The following FSTL5 variants were observed in gnomAD, a reference collection of about 807,000 sequenced individuals.
FSTL5 encodes follistatin-related protein 5.
Under a neutral mutation model 89.1 loss-of-function variants are expected in FSTL5, and 62 were observed. That is an observed-to-expected ratio of 0.70 (90% CI 0.57 to 0.86). The LOEUF (loss-of-function observed/expected upper bound fraction) is 0.86, where lower values mean the gene tolerates loss of function less well. FSTL5 is among the 40% of genes least tolerant of loss of function. The probability of loss-of-function intolerance (pLI) is 0.00; values close to 1 mark genes in which losing one functional copy is unlikely to be tolerated. For synonymous variants in FSTL5, 383 were observed against 346.2 expected (o/e 1.11, Z -1.18); for missense variants, 1,057 against 1,001.6 (o/e 1.06, Z -0.75).
rs185353678 is a variant in FSTL5 at position 161,762,428 on chromosome 4, A to G, written c.607-2897T>C. On this transcript the variant is annotated intron_variant, in intron 5 of 15. Transcript: ENST00000306100. ...GCACTTCTTTCATTTAGTGTTTGAC[A>G]CTGGTTCCAAAAACTCACTGTAGAC... is the stretch of plus-strand genomic sequence containing the variant. 2.3e-3 allele frequency among the ~76,000 whole-genome samples: 345 copies of G among 152,286 alleles called. 1 individual carries two copies. Among genetic ancestry groups the G allele is most frequent in the Admixed American group, 4.6e-3 (70 of 15,288 alleles).
chr4:161,680,017 G>A (rs926907748), intron 6 of FSTL5, among the ~76,000 whole-genome samples: 6 of 151,578 alleles, frequency 4.0e-5, no homozygotes, highest in Non-Finnish European at 7.4e-5. Context: ...ATTCTTAATT[G>A]TATTCTTCCA....
In FSTL5 at chr4:161,887,890, C is replaced by A. The variant is rs74773559; in HGVS notation, c.409+32514G>T. On this transcript the variant is annotated intron_variant, in intron 4 of 15. Transcript: ENST00000306100. ...CTAAAAAGAATAACACCTTGCCAAG[C>A]AAATCAGGATTCATCTAGTCCCCAT... Among the ~76,000 whole-genome samples, 1,330 of 152,248 alleles carry A rather than the reference C, an allele frequency of 8.7e-3. 12 individuals are homozygous for A. The highest frequency in any genetic ancestry group is 0.015 in the Non-Finnish European group (1,046 of 67,998).
intron 6 of FSTL5, among the ~76,000 whole-genome samples, chr4:161,661,419 C>A (rs555808572): frequency 6.6e-6 from 1 of 152,084 alleles, no homozygotes; most frequent in African/African-American, 2.4e-5. Context: ...TTACCTCTCT[C>A]TACTTCAGTA....
intron 8 of FSTL5, among the ~76,000 whole-genome samples, chr4:161,546,232 AGAGT>A (rs1732000298): frequency 6.7e-6 from 1 of 150,192 alleles, no homozygotes; most frequent in Non-Finnish European, 1.5e-5. Flanking sequence ...TACAGATGAG[AGAGT>A]AAGTGAATAT....
At chr4:161,835,381 A>C (rs1400975666) in intron 4 of FSTL5, among the ~76,000 whole-genome samples, 1 of 152,182 alleles carries the variant, frequency 6.6e-6, no homozygotes, top group Non-Finnish European at 1.5e-5. Context: ...ACAATTCAGG[A>C]CATAGGCATA....
chr4:162,064,296 G>T (rs1370984435), intron 2 of FSTL5, among the ~76,000 whole-genome samples: 1 of 151,962 alleles, frequency 6.6e-6, no homozygotes, highest in Non-Finnish European at 1.5e-5. Context: ...TACTAGAAGG[G>T]ATGTGAAATG....
At chr4:162,122,031 T>C (rs1478600071) in intron 1 of FSTL5, among the ~76,000 whole-genome samples, 1 of 152,048 alleles carries the variant, frequency 6.6e-6, no homozygotes, top group East Asian at 1.9e-4. Context: ...ATTGACTGTT[T>C]ATGTTATAGG....
chr4:161,721,284 C>CAA (rs34307838), intron 6 of FSTL5, among the ~76,000 whole-genome samples: 1,600 of 64,868 alleles, frequency 0.025, 57 homozygotes, highest in Middle Eastern at 0.053. Context: ...GACTCCGTCT[C>CAA]AAAAAAAAAA....
chr4:162,103,198 G>A (rs1045377881), intron 2 of FSTL5, among the ~76,000 whole-genome samples: 4 of 152,170 alleles, frequency 2.6e-5, no homozygotes, highest in Non-Finnish European at 5.9e-5. Flanking sequence ...ATTCAGTCCA[G>A]TGAATGCCAG....
chr4:161,860,518 C>G (rs537170156), intron 4 of FSTL5, among the ~76,000 whole-genome samples: 1 of 152,100 alleles, frequency 6.6e-6, no homozygotes, highest in Non-Finnish European at 1.5e-5. Context: ...AAATTTCCAG[C>G]GGCTTAAAAC....
chr4:161,820,263 A>G (rs1043151676), intron 4 of FSTL5, among the ~76,000 whole-genome samples: 1 of 152,176 alleles, frequency 6.6e-6, no homozygotes, highest in South Asian at 2.1e-4. Flanking sequence ...TTTTCCACTT[A>G]TATTCAAGTT....
At chr4:161,480,395 G>A (rs1729456307) in intron 13 of FSTL5, among the ~76,000 whole-genome samples, 1 of 152,158 alleles carries the variant, frequency 6.6e-6, no homozygotes, top group African/African-American at 2.4e-5. Context: ...CACCAACCCT[G>A]TACTTCACCT....
chr4:161,584,810 C>A (rs1255069300), intron 8 of FSTL5, among the ~76,000 whole-genome samples: 1 of 152,044 alleles, frequency 6.6e-6, no homozygotes, highest in African/African-American at 2.4e-5. Flanking sequence ...CTCTCCAAAC[C>A]CCATCCCTTC....
At chr4:161,823,158 C>T (rs1344952054) in intron 4 of FSTL5, among the ~76,000 whole-genome samples, 2 of 152,170 alleles carry the variant, frequency 1.3e-5, no homozygotes, top group Non-Finnish European at 2.9e-5. Context: ...TACCTTGGAT[C>T]ACTGACTCCA....
chr4:161,648,382 C>A (rs188714396), intron 7 of FSTL5, among the ~76,000 whole-genome samples: 165 of 152,220 alleles, frequency 1.1e-3, no homozygotes, highest in African/African-American at 3.8e-3. Flanking sequence ...GTTTGAGCAG[C>A]GGGGCATGAA....
At position 162,062,477 on chromosome 4, in the gene FSTL5, C is replaced by A. The variant is rs530940395; in HGVS notation, c.127-28819G>T. Among the ~76,000 whole-genome samples, 5 of 151,868 alleles carry A rather than the reference C, an allele frequency of 3.3e-5. No homozygotes were observed. In the South Asian group the frequency reaches 1.0e-3, roughly 32 times the overall value. On this transcript the variant is annotated intron_variant, in intron 2 of 15. Transcript: ENST00000306100. The stretch of plus-strand genomic sequence containing the variant: ...ATCCAGTACAGTACCGGCCTTCCTG[C>A]CTTAGAAAAGGTAACAAATGAACCC...
intron 8 of FSTL5, among the ~76,000 whole-genome samples, chr4:161,586,160 A>G: frequency 6.6e-6 from 1 of 152,160 alleles, no homozygotes; most frequent in Non-Finnish European, 1.5e-5. Context: ...CCTCAGATCC[A>G]AGGCTCAATC....
intron 4 of FSTL5, among the ~76,000 whole-genome samples, chr4:161,784,301 C>T (rs376622640): frequency 6.6e-6 from 1 of 152,200 alleles, no homozygotes; most frequent in South Asian, 2.1e-4. Flanking sequence ...CTGTGCTTTA[C>T]AGACATTGTT....
At chr4:161,633,245 C>A (rs924565841) in intron 7 of FSTL5, among the ~76,000 whole-genome samples, 35 of 150,102 alleles carry the variant, frequency 2.3e-4, no homozygotes, top group African/African-American at 6.6e-4. Flanking sequence ...GCTTCCCCCC[C>A]ACTTTTGTTT....
Sources: gnomAD v4.1 joint callset for allele counts (sites outside exome capture counted in the v4.1 genomes callset) on GRCh38, gnomAD v4.1.1 for gene constraint, MANE v1.5 for transcripts, NCBI Gene and HGNC (gene_info 2026-07-23, HGNC 2026-07-21) for gene names.